The following FLNA variants were observed in gnomAD, a reference collection of about 807,000 sequenced individuals.
FLNA encodes the protein filamin-A.
FLNA carries 7 observed loss-of-function variants against 157.6 expected under a neutral mutation model. That is an observed-to-expected ratio of 0.04 (90% CI 0.03 to 0.08). The LOEUF is 0.08. Among genes scored for constraint, FLNA ranks in the 10% least tolerant of loss-of-function variants. FLNA has a pLI of 1.00. For missense variants in FLNA, 1,750 were observed against 2,398.4 expected (o/e 0.73, Z 5.65); for synonymous variants, 1,103 against 1,060.8 (o/e 1.04, Z -0.77).
At position 154,351,950 on chromosome X, in the gene FLNA, C is replaced by T; in HGVS notation, c.6841G>A (p.Ala2281Thr). The T allele has an allele frequency of 8.3e-7, 1 of 1,211,742 alleles. No homozygotes were observed. Among genetic ancestry groups the T allele is most frequent in the Non-Finnish European group, 1.1e-6 (1 of 895,463 alleles). ...TTGCGGTCCTCAAAAGAGATCTCAG[C>T]CTTGCTGGGGCCCTCGACAGCAATG... is the stretch of plus-strand genomic sequence containing the variant. ...LAIAVEGPSK[A>T]EISFEDRKDG... The change falls in exon 42 of 48, where the codon GCT becomes ACT. Residue 2281 changes from alanine (A) to threonine (T), a missense_variant. By Grantham distance (58) the Ala-to-Thr change is moderately conservative. Around this residue, in one of 5 missense-constraint regions of FLNA, gnomAD observed 970 missense variants for 1,302.6 expected, o/e 0.74. Coordinates refer to ENST00000369850, the MANE Select transcript of FLNA (RefSeq NM_001110556.2).
At chrX:154,373,963 A>T (rs1168420324) in intron 1 of FLNA, among the ~76,000 whole-genome samples, 2 of 113,058 alleles carry the variant, frequency 1.8e-5, no homozygotes, top group Non-Finnish European at 3.8e-5. Flanking sequence ...CCAGGGCCCA[A>T]CCAAGGAACC....
At position 154,371,153 on chromosome X, in the gene FLNA, G is replaced by T; in HGVS notation, c.93C>A (p.Thr31=). 1 of 1,200,415 alleles carries T rather than the reference G, an allele frequency of 8.3e-7. No homozygotes were observed. The highest frequency in any genetic ancestry group is 1.8e-5 in the South Asian group (1 of 55,405). Residue 31 remains threonine (T), a synonymous_variant, in exon 2 of 48, where the codon ACC becomes ACA. Transcript: ENST00000369850. ...VDTRDAEMPA[T]EKDLAEDAPW... ...GCGCGTCCTCCGCCAGGTCCTTCTCGGTGGCCGGCATCTCGGCGTCCCGCG... is the reference window on the plus strand; with the variant it reads ...GCGCGTCCTCCGCCAGGTCCTTCTCTGTGGCCGGCATCTCGGCGTCCCGCG...
In FLNA at chrX:154,371,333, G is replaced by A. The variant is rs2067806462; in HGVS notation, c.-88C>T. 1 of 1,089,368 alleles carries A rather than the reference G, an allele frequency of 9.2e-7. No homozygotes were observed. The allele number at this position is 1,089,368 out of a possible 1,213,427, so 89.8% of individuals were successfully genotyped here. A position where few individuals can be genotyped will look rare whatever the true frequency, so the allele number is the denominator to read the frequency against. On this transcript the variant is annotated 5_prime_UTR_variant, in exon 2 of 48. Coordinates refer to ENST00000369850, the MANE Select transcript of FLNA (RefSeq NM_001110556.2). ...TAAAGTCGCAGGCACCTAGGCGCGC[G>A]GGAGGCGAGGCAGGGAGCAGAGGTT...
At chrX:154,363,485 T>C (rs1005469575) in intron 15 of FLNA, among the ~76,000 whole-genome samples, 37 of 107,984 alleles carry the variant, frequency 3.4e-4, no homozygotes, top group Non-Finnish European at 5.4e-4. Flanking sequence ...GAGGCCGAGG[T>C]GGGCAGATCA....
chrX:154,357,178 C>T lies in FLNA; in HGVS notation c.4969+73G>A, dbSNP rs187291923. On this transcript the variant is annotated intron_variant, in intron 30 of 47. Coordinates refer to ENST00000369850, the MANE Select transcript of FLNA (RefSeq NM_001110556.2). ...CTGCAGCTGGAACTGTCCTGGGAAT[C>T]GGCCCCAAGAGGAAAGGAAGCTGCC... 2.2e-4 allele frequency: 227 copies of T among 1,009,081 alleles called. 2 individuals carry two copies. The East Asian group carries it at 5.5e-3, about 25-fold the overall frequency. The allele number at this position is 1,009,081 out of a possible 1,213,427, so 83.2% of individuals were successfully genotyped here.
Position 154,357,522 on chromosome X carries a change from G to A in FLNA, c.4857C>T (p.Leu1619=), listed in dbSNP as rs368536975. 1.4e-5 allele frequency: 17 copies of A among 1,209,796 alleles called. No individual in the cohort carries two copies. The African/African-American group carries it at 1.9e-4, about 14-fold the overall frequency. ...GGATCTCGTCACCACCGTACTTGATGAGGATGGTGTAGCGACCTGTCACGT... is the reference window on the plus strand; with the variant it reads ...GGATCTCGTCACCACCGTACTTGATAAGGATGGTGTAGCGACCTGTCACGT... The part of the protein sequence containing the change: ...VPDVTGRYTI[L]IKYGGDEIPF... The change falls in exon 29 of 48, where the codon CTC becomes CTT. Residue 1619 remains leucine, a synonymous_variant. Coordinates refer to ENST00000369850, the MANE Select transcript of FLNA (RefSeq NM_001110556.2).
chrX:154,357,075 G>A (rs1016722223), intron 30 of FLNA, among the ~76,000 whole-genome samples, 176 bp downstream of exon 30: 2 of 112,197 alleles, frequency 1.8e-5, no homozygotes, highest in South Asian at 3.6e-4. Context: ...GCTCAGCTCC[G>A]GAAGCCTCCC....
chrX:154,362,166 A>G lies in FLNA; in HGVS notation c.2657-18T>C, dbSNP rs782244974. On this transcript the variant is annotated intron_variant, in intron 18 of 47. Coordinates refer to ENST00000369850, the MANE Select transcript of FLNA (RefSeq NM_001110556.2). ...CTCGACACCTGAGGAACACACAGGG[A>G]CCATGTAGGGGCACCCTGCCCCAAG... 3 of 1,210,519 alleles carry G rather than the reference A, an allele frequency of 2.5e-6. No homozygotes were observed. The East Asian group carries it at 8.9e-5, about 36-fold the overall frequency.
Position 154,361,320 on chromosome X carries a change from G to A in FLNA, c.3195C>T (p.Thr1065=). 1 of 1,210,300 alleles carries A rather than the reference G, an allele frequency of 8.3e-7. No homozygotes were observed. Among genetic ancestry groups the A allele is most frequent in the African/African-American group, 1.7e-5 (1 of 57,625 alleles). ...ATACCCCAATTACCTTGCTAGGCTTGGTGGGGGCCACAGCTTCCAGAGGAA... is the reference window on the plus strand; with the variant it reads ...ATACCCCAATTACCTTGCTAGGCTTAGTGGGGGCCACAGCTTCCAGAGGAA... ...SPFPLEAVAP[T]KPSKVKAFGP... Residue 1065 remains threonine, a synonymous_variant, in exon 21 of 48, where the codon ACC becomes ACT. Transcript: ENST00000369850.
Position 154,359,566 on chromosome X carries a change from C to T in FLNA, c.4060G>A (p.Asp1354Asn), listed in dbSNP as rs377390031. Residue 1354 changes from aspartate to asparagine, a missense_variant, in exon 24 of 48, where the codon GAC becomes AAC. By Grantham distance (23) the Asp-to-Asn change is conservative. Transcript: ENST00000369850. The part of the protein sequence containing the change: ...PFQVPVTEGC[D>N]PSRVRVHGPG... ...CCGTGGACACGCACCCGGGAGGGGTCGCAGCCCTCGGTCACGGGCACCTGG... is the reference window on the plus strand; with the variant it reads ...CCGTGGACACGCACCCGGGAGGGGTTGCAGCCCTCGGTCACGGGCACCTGG... 1.2e-4 allele frequency: 146 copies of T among 1,209,118 alleles called. No homozygotes were observed. The highest frequency in any genetic ancestry group is 1.4e-4 in the Non-Finnish European group (125 of 894,894).
intron 21 of FLNA, 118 bp downstream of exon 21, chrX:154,361,190 C>T: frequency 1.4e-6 from 1 of 695,168 alleles, no homozygotes. Context: ...GACAGTCTGT[C>T]TCAGGAAAAA....
Position 154,350,171 on chromosome X carries a change from C to G in FLNA, c.7193G>C (p.Gly2398Ala). 1 of 1,211,839 alleles carries G rather than the reference C, an allele frequency of 8.3e-7. No individual in the cohort carries two copies. The highest frequency in any genetic ancestry group is 1.1e-6 in the Non-Finnish European group (1 of 895,439). The stretch of plus-strand genomic sequence containing the variant: ...GAACTTGACGTCAATCAGGTAAACG[C>G]CATTCTCCCGAGGGATGAAGCGCAC... Reference protein sequence around the residue: ...YAVRFIPRENGVYLIDVKFNG... With the variant: ...YAVRFIPRENAVYLIDVKFNG... Residue 2398 changes from glycine to alanine, a missense_variant, in exon 45 of 48, where the codon GGC becomes GCC. Gly to Ala is a moderately conservative substitution (Grantham distance 60). Around this residue, in one of 5 missense-constraint regions of FLNA, gnomAD observed 970 missense variants for 1,302.6 expected, o/e 0.74. Transcript: ENST00000369850.
In FLNA at chrX:154,360,184, G is replaced by A. The variant is rs376726422; in HGVS notation, c.3611C>T (p.Pro1204Leu). Residue 1204 changes from proline to leucine, a missense_variant, in exon 22 of 48, where the codon CCG (proline) becomes CTG (leucine). By Grantham distance (98) the Pro-to-Leu change is moderately conservative (BLOSUM62 -3). Transcript: ENST00000369850. The stretch of plus-strand genomic sequence containing the variant: ...GTGGTCCTGGATGTACACCTCGGCC[G>A]GAAGCCCCGCCTCCGAGCAGATCTC... ...TIEICSEAGL[P>L]AEVYIQDHGD... The A allele has an allele frequency of 1.4e-5, 17 of 1,209,070 alleles. No homozygotes were observed. The highest frequency in any genetic ancestry group is 5.3e-5 in the South Asian group (3 of 56,956).
At position 154,362,314 on chromosome X, in the gene FLNA, T is replaced by C. The variant is rs1557178202; in HGVS notation, c.2584A>G (p.Ile862Val). Residue 862 changes from isoleucine (I) to valine (V), a missense_variant, in exon 18 of 48, where the codon ATC (isoleucine) becomes GTC (valine). By Grantham distance (29) the Ile-to-Val change is conservative. This residue lies in a region of FLNA where 648 missense variants were observed against 805.8 expected (regional missense o/e 0.80). Transcript: ENST00000369850. ...FADQATPTSP[I>V]RVKVEPSHDA... The stretch of plus-strand genomic sequence containing the variant: ...TGAGAGGGCTCCACCTTGACTCGGA[T>C]GGGGCTGGTGGGCGTGGCCTGCAGG... 2 of 1,209,113 alleles carry C rather than the reference T, an allele frequency of 1.7e-6. No homozygotes were observed. Among genetic ancestry groups the C allele is most frequent in the Admixed American group, 4.4e-5 (2 of 45,823 alleles).
chrX:154,350,633 G>T, intron 44 of FLNA: 1 of 394,684 alleles, frequency 2.5e-6, no homozygotes, highest in East Asian at 4.4e-5. Context: ...TACCATGGCC[G>T]TGGCTGAAGG....
rs10458342 is a variant in FLNA at position 154,353,443 on chromosome X, G to A, written c.5875C>T (p.Arg1959Cys). 69 of 1,210,222 alleles carry A rather than the reference G, an allele frequency of 5.7e-5. No homozygotes were observed. The highest frequency in any genetic ancestry group is 7.3e-5 in the Non-Finnish European group (65 of 895,209). ...TARVTGDDSMRMSHLKVGSAA... is the reference protein window; with the variant it reads ...TARVTGDDSMCMSHLKVGSAA... ...GAGCCGACCTTTAGGTGGGACATACGCATGGAGTCGTCACCTGGTGGGGAC... is the reference window on the plus strand; with the variant it reads ...GAGCCGACCTTTAGGTGGGACATACACATGGAGTCGTCACCTGGTGGGGAC... Residue 1959 changes from arginine (R) to cysteine (C), a missense_variant, in exon 37 of 48, where the codon CGT (arginine) becomes TGT (cysteine). Coordinates refer to ENST00000369850, the MANE Select transcript of FLNA (RefSeq NM_001110556.2).
Position 154,366,056 on chromosome X carries a change from G to A in FLNA, c.1397C>T (p.Pro466Leu), listed in dbSNP as rs1441688181. The change falls in exon 9 of 48, where the codon CCT becomes CTT. Residue 466 changes from proline to leucine, a missense_variant. This residue lies in a region of FLNA where 648 missense variants were observed against 805.8 expected (regional missense o/e 0.80). Coordinates refer to ENST00000369850, the MANE Select transcript of FLNA (RefSeq NM_001110556.2). The stretch of plus-strand genomic sequence containing the variant: ...AACAGTGACAGTGTAGGGGCTGCGA[G>A]GGATGGGCACGCCGGCAAACGTGAC... ...VHVTFAGVPI[P>L]RSPYTVTVGQ... The A allele has an allele frequency of 8.3e-7, 1 of 1,207,855 alleles. No individual in the cohort carries two copies. Among genetic ancestry groups the A allele is most frequent in the African/African-American group, 1.7e-5 (1 of 57,563 alleles).
chrX:154,365,958 G>A (rs1053075334), intron 9 of FLNA, 66 bp downstream of exon 9: 21 of 1,070,953 alleles, frequency 2.0e-5, no homozygotes, highest in Non-Finnish European at 2.7e-5. Context: ...TGGCCCAGGG[G>A]GTCCCCCTCC....
intron 30 of FLNA, 47 bp from the exon 31 acceptor site, chrX:154,355,119 C>G: frequency 8.5e-7 from 1 of 1,177,161 alleles, no homozygotes; most frequent in East Asian, 3.0e-5. Context: ...CGTGTGAGCT[C>G]GGGTTCAGGT....
Sources: gnomAD v4.1 joint callset for allele counts (sites outside exome capture counted in the v4.1 genomes callset) on GRCh38, gnomAD v4.1.1 for gene constraint, gnomAD v4.1.1 regional missense constraint, MANE v1.5 for transcripts, NCBI Gene and HGNC (gene_info 2026-07-23, HGNC 2026-07-21) for gene names.